NBEAL1: variants seen among roughly 807,000 people sequenced by gnomAD.
NBEAL1 encodes the protein neurobeachin-like protein 1.
NBEAL1 carries 273 observed loss-of-function variants against 351.3 expected under a neutral mutation model. The observed-to-expected ratio is 0.78, with a 90% CI of 0.70 to 0.86. The LOEUF is 0.86. NBEAL1 is among the 40% of genes least tolerant of loss of function. The probability of loss-of-function intolerance (pLI) is 0.00; values close to 1 mark genes in which losing one functional copy is unlikely to be tolerated. For missense variants in NBEAL1, 2,961 were observed against 3,201.3 expected (o/e 0.92, Z 1.81); for synonymous variants, 1,050 against 1,086.4 (o/e 0.97, Z 0.66).
rs532367888 is a variant in NBEAL1, at chr2:203,070,255, CAT to C, written c.598+1782_598+1783del. Among the ~76,000 whole-genome samples, 99 of 149,976 alleles carry C rather than the reference CAT, an allele frequency of 6.6e-4. 2 individuals are homozygous for C. Among genetic ancestry groups the C allele is most frequent in the East Asian group, 5.0e-3 (25 of 4,996 alleles). On this transcript the variant is annotated intron_variant, in intron 7 of 55. Transcript: ENST00000683969. ...GAGGTGCTTGTTAATTGGCAAAATA[CAT>C]AGATTGATTTTCAAATATTAAACTA...
chr2:203,111,843 A>G, intron 15 of NBEAL1, 136 bp from the exon 16 acceptor site: 1 of 993,016 alleles, frequency 1.0e-6, no homozygotes, highest in Non-Finnish European at 1.4e-6. Flanking sequence ...TTACTTTGAG[A>G]ACATCAATTT....
intron 2 of NBEAL1, among the ~76,000 whole-genome samples, chr2:203,017,200 C>T (rs537502868): frequency 2.0e-5 from 3 of 152,148 alleles, no homozygotes; most frequent in Non-Finnish European, 4.4e-5. Context: ...TACATTATTA[C>T]TTTGAAGATA....
intron 19 of NBEAL1, among the ~76,000 whole-genome samples, chr2:203,124,652 A>T (rs2062899940): frequency 6.6e-6 from 1 of 152,214 alleles, no homozygotes; most frequent in South Asian, 2.1e-4. Flanking sequence ...GACTTAAGTT[A>T]TGTCCACGTG....
At chr2:203,197,279 A>G (rs2065264353) in intron 47 of NBEAL1, 23 bp from the exon 48 acceptor site, 2 of 1,404,654 alleles carry the variant, frequency 1.4e-6, no homozygotes, top group East Asian at 4.6e-5. Flanking sequence ...AGAACCAGCC[A>G]CTAAACCTCT....
chr2:203,057,213 G>T, intron 5 of NBEAL1, 113 bp from the exon 6 acceptor site: 1 of 867,166 alleles, frequency 1.2e-6, no homozygotes. Context: ...CAGTCCATAT[G>T]ATTAAATGAC....
At chr2:203,097,258 A>G (rs2062204468) in intron 10 of NBEAL1, among the ~76,000 whole-genome samples, 1 of 152,166 alleles carries the variant, frequency 6.6e-6, no homozygotes, top group African/African-American at 2.4e-5. Context: ...ATCAACTGTG[A>G]GACATTCTCT....
At chr2:203,043,589 A>T (rs2061177857) in intron 3 of NBEAL1, among the ~76,000 whole-genome samples, 1 of 151,784 alleles carries the variant, frequency 6.6e-6, no homozygotes, top group South Asian at 2.1e-4. Flanking sequence ...AATAATTAAA[A>T]ATGGTGGTGT....
chr2:203,122,835 G>A (rs1301688590), intron 19 of NBEAL1, among the ~76,000 whole-genome samples: 1 of 152,084 alleles, frequency 6.6e-6, no homozygotes, highest in Non-Finnish European at 1.5e-5. Context: ...TAACTGCTTG[G>A]TTAATGCTCT....
intron 42 of NBEAL1, among the ~76,000 whole-genome samples, chr2:203,176,095 T>A (rs2106425185): frequency 6.6e-6 from 1 of 152,272 alleles, no homozygotes; most frequent in Non-Finnish European, 1.5e-5. Flanking sequence ...TATAGTCTAT[T>A]TTTGAAGCTT....
Position 203,136,631 on chromosome 2 carries a change from A to C in NBEAL1, c.4422A>C (p.Thr1474=), listed in dbSNP as rs1385427848. 1 of 1,611,726 alleles carries C rather than the reference A, an allele frequency of 6.2e-7. No homozygotes were observed. The highest frequency in any genetic ancestry group is 8.5e-7 in the Non-Finnish European group (1 of 1,178,664). The change falls in exon 29 of 56, where the codon ACA becomes ACC. Residue 1474 remains threonine (T), a synonymous_variant. Coordinates refer to ENST00000683969, the MANE Select transcript of NBEAL1 (RefSeq NM_001378026.1). ...RCEEELLQLL[T]HILNYVMCKG... ...AGGAGGAGCTTCTTCAATTACTGAC[A>C]CATATTTTGAATTATGTAATGTGTA... is the stretch of plus-strand genomic sequence containing the variant.
At chr2:203,061,251 C>G (rs1272334343) in intron 6 of NBEAL1, 1 of 152,082 alleles carries the variant, frequency 6.6e-6, no homozygotes, top group African/African-American at 2.4e-5. Flanking sequence ...CATTTTTCCC[C>G]CAGTATGAGT....
At chr2:203,097,750 T>G (rs567456217) in intron 11 of NBEAL1, 117 bp downstream of exon 11, 7 of 233,180 alleles carry the variant, frequency 3.0e-5, no homozygotes, top group Non-Finnish European at 4.9e-5. Flanking sequence ...CAAATTCTAA[T>G]ATTTATTAAT....
At chr2:203,171,020 A>G (rs549491875) in intron 39 of NBEAL1, among the ~76,000 whole-genome samples, 1 of 152,266 alleles carries the variant, frequency 6.6e-6, no homozygotes, top group South Asian at 2.1e-4. Context: ...TAATCCCAGC[A>G]CTAAGGCTGG....
At chr2:203,171,068 C>A in intron 39 of NBEAL1, among the ~76,000 whole-genome samples, 1 of 151,376 alleles carries the variant, frequency 6.6e-6, no homozygotes, top group East Asian at 1.9e-4. Flanking sequence ...ACCAGCCTGG[C>A]CAACATGGTG....
chr2:203,180,226 TAAG>T (rs1315884322), intron 42 of NBEAL1, among the ~76,000 whole-genome samples, 153 bp from the exon 43 acceptor site: 1 of 152,176 alleles, frequency 6.6e-6, no homozygotes, highest in Non-Finnish European at 1.5e-5. Context: ...ATTATCATAA[TAAG>T]GAGAGTAAAT....
At chr2:203,064,139 C>T (rs1331357709) in intron 6 of NBEAL1, among the ~76,000 whole-genome samples, 6 of 152,112 alleles carry the variant, frequency 3.9e-5, no homozygotes, top group East Asian at 1.9e-4. Flanking sequence ...CTGCAACCTC[C>T]GCCTCCCGGG....
chr2:203,055,830 T>C (rs2061394188), intron 4 of NBEAL1, among the ~76,000 whole-genome samples: 1 of 152,196 alleles, frequency 6.6e-6, no homozygotes. Flanking sequence ...CATATTTTAG[T>C]TAAACACTAA....
intron 8 of NBEAL1, among the ~76,000 whole-genome samples, chr2:203,080,169 G>C (rs1574941436): frequency 6.6e-6 from 1 of 152,152 alleles, no homozygotes; most frequent in East Asian, 1.9e-4. Context: ...CAGCACTTTG[G>C]GAGGCTGAGG....
At chr2:203,081,824 G>A (rs551752853) in intron 8 of NBEAL1, among the ~76,000 whole-genome samples, 1 of 152,330 alleles carries the variant, frequency 6.6e-6, no homozygotes, top group African/African-American at 2.4e-5. Flanking sequence ...TACTGAGGCC[G>A]GGCATGGTGG....
Sources: allele counts gnomAD v4.1 joint callset (sites outside exome capture counted in the v4.1 genomes callset), GRCh38; gene constraint gnomAD v4.1.1; transcripts MANE v1.5; gene names NCBI Gene and HGNC (gene_info 2026-07-23, HGNC 2026-07-21).